The following PRDM13 variants were observed in gnomAD, a reference collection of about 807,000 sequenced individuals.
PRDM13 encodes the protein PR domain zinc finger protein 13.
PRDM13 carries 15 observed loss-of-function variants against 36.4 expected under a neutral mutation model. The ratio of observed to expected loss-of-function variants is 0.41; its 90% CI spans 0.28 to 0.64. The LOEUF (loss-of-function observed/expected upper bound fraction) is 0.64. Among genes scored for constraint, PRDM13 ranks in the 30% least tolerant of loss-of-function variants. The pLI, the probability that PRDM13 is intolerant of heterozygous loss-of-function variation, is 0.29. For missense variants in PRDM13, 1,044 were observed against 1,013.5 expected (o/e 1.03, Z -0.41); for synonymous variants, 531 against 467.7 (o/e 1.14, Z -1.75).
At position 99,613,979 on chromosome 6, in the gene PRDM13, G is replaced by T; in HGVS notation, c.1344G>T (p.Pro448=). The T allele has an allele frequency of 6.2e-7, 1 of 1,605,190 alleles. No homozygotes were observed. The highest frequency in any genetic ancestry group is 1.1e-5 in the South Asian group (1 of 90,310). ...PLDPGGLKAY[P]GGECSHLPAV... ...ACCCGGGCGGTCTCAAAGCCTATCCGGGTGGTGAGTGCAGCCACCTGCCCG... is the reference window on the plus strand; with the variant it reads ...ACCCGGGCGGTCTCAAAGCCTATCCTGGTGGTGAGTGCAGCCACCTGCCCG... Residue 448 remains proline, a synonymous_variant, in exon 4 of 4, where the codon CCG becomes CCT. Transcript: ENST00000369215. This position sits in a 1 kb window ranked among gnomAD's most constrained non-coding sequence, Gnocchi z 6.1.
Position 99,614,281 on chromosome 6 carries a change from C to T in PRDM13, c.1646C>T (p.Ala549Val), listed in dbSNP as rs770652408. The part of the protein sequence containing the change: ...GRLDSGTLPP[A>V]VAAAGGTGGG... ...CTGGACTCGGGGACGTTGCCACCGGCCGTCGCGGCGGCGGGAGGCACCGGG... is the reference window on the plus strand; with the variant it reads ...CTGGACTCGGGGACGTTGCCACCGGTCGTCGCGGCGGCGGGAGGCACCGGG... The change falls in exon 4 of 4, where the codon GCC (alanine) becomes GTC (valine). Residue 549 changes from alanine (A) to valine (V), a missense_variant. Physicochemically the swap from Ala to Val is moderately conservative, Grantham distance 64. Around this residue, in one of 3 missense-constraint regions of PRDM13, gnomAD observed 921 missense variants for 865.2 expected, o/e 1.06. Transcript: ENST00000369215. The T allele has an allele frequency of 5.6e-6, 9 of 1,606,076 alleles. No homozygotes were observed. In the African/African-American group the frequency reaches 1.1e-4, roughly 19 times the overall value.
intron 3 of PRDM13, 43 bp downstream of exon 3, chr6:99,609,350 C>G (rs777932155): frequency 1.2e-6 from 2 of 1,601,462 alleles, no homozygotes; most frequent in Non-Finnish European, 1.7e-6. Flanking sequence ...TCCAGCCCTC[C>G]TCCTCCTGTC....
intron 1 of PRDM13, among the ~76,000 whole-genome samples, chr6:99,607,652 C>A (rs1163563953): frequency 6.6e-6 from 1 of 152,070 alleles, no homozygotes; most frequent in Non-Finnish European, 1.5e-5. Context: ...AAAAAAAAAT[C>A]TTTGGGAGGC....
rs186596959 is a variant in PRDM13, at chr6:99,607,168, C to T, written c.134C>T (p.Pro45Leu). ...CTGTCAGACCGCAGGGAGCCCGGGC[C>T]TAAGAAAAAGGTATTGACCATTCAG... The part of the protein sequence containing the change: ...KYLSDRREPG[P>L]KKKVRMVRGE... Residue 45 changes from proline (P) to leucine (L), a missense_variant, in exon 1 of 4, where the codon CCT becomes CTT. Pro to Leu is a moderately conservative substitution (Grantham distance 98). Around this residue, in one of 3 missense-constraint regions of PRDM13, gnomAD observed 921 missense variants for 865.2 expected, o/e 1.06. Transcript: ENST00000369215. 796 of 1,613,724 alleles carry T rather than the reference C, an allele frequency of 4.9e-4. 3 individuals are homozygous for T. The African/African-American group carries it at 9.4e-3, about 19-fold the overall frequency.
chr6:99,613,934 C>T lies in PRDM13; in HGVS notation c.1299C>T (p.Arg433=), dbSNP rs376804889. ...CTGCGCCGGGGTTGCCCCTCGAGCG[C>T]TGCGCGCTGCCGCCCCTCGACCCGG... ...LPPAPGLPLE[R]CALPPLDPGG... The change falls in exon 4 of 4, where the codon CGC becomes CGT. Residue 433 remains arginine, a synonymous_variant. Transcript: ENST00000369215. This position sits in a 1 kb window ranked among gnomAD's most constrained non-coding sequence, Gnocchi z 6.1. 6.9e-6 allele frequency: 11 copies of T among 1,588,478 alleles called. No homozygotes were observed. The African/African-American group carries it at 1.5e-4, about 22-fold the overall frequency.
In PRDM13 at chr6:99,614,270, G is replaced by T. The variant is rs1353735549; in HGVS notation, c.1635G>T (p.Thr545=). ...GTCGCGGACGCCTGGACTCGGGGACGTTGCCACCGGCCGTCGCGGCGGCGG... is the reference window on the plus strand; with the variant it reads ...GTCGCGGACGCCTGGACTCGGGGACTTTGCCACCGGCCGTCGCGGCGGCGG... ...GKGRGRLDSG[T]LPPAVAAAGG... is the part of the protein sequence containing the mutation. Residue 545 remains threonine (T), a synonymous_variant, in exon 4 of 4, where the codon ACG becomes ACT. Coordinates refer to ENST00000369215, the MANE Select transcript of PRDM13 (RefSeq NM_021620.4). 7.5e-6 allele frequency: 12 copies of T among 1,607,522 alleles called. No individual in the cohort carries two copies. In the East Asian group the frequency reaches 8.9e-5, roughly 12 times the overall value.
At position 99,615,075 on chromosome 6, in the gene PRDM13, A is replaced by T; in HGVS notation, c.*316A>T. On this transcript the variant is annotated 3_prime_UTR_variant, in exon 4 of 4. Transcript: ENST00000369215. ...CGGTCTGCTCTTGGTGTTCAGAATC[A>T]CATCAATGCGAACGTCACAGCGCCT... 1 of 392,082 alleles carries T rather than the reference A, an allele frequency of 2.6e-6. No homozygotes were observed. Among genetic ancestry groups the T allele is most frequent in the Non-Finnish European group, 4.6e-6 (1 of 219,710 alleles). The allele number at this position is 392,082 out of a possible 1,614,324, so 24.3% of individuals were successfully genotyped here. A position where few individuals can be genotyped will look rare whatever the true frequency, so the allele number is the denominator to read the frequency against.
At position 99,613,475 on chromosome 6, in the gene PRDM13, G is replaced by C. The variant is rs536101986; in HGVS notation, c.840G>C (p.Ala280=). The change falls in exon 4 of 4, where the codon GCG becomes GCC. Residue 280 remains alanine (A), a synonymous_variant. Coordinates refer to ENST00000369215, the MANE Select transcript of PRDM13 (RefSeq NM_021620.4). The surrounding 1 kb of genome is among the most constrained non-coding windows in gnomAD (Gnocchi z 6.1). ...HFLGIVGGSS[A]GVGSLAFYPG... ...TCGGCATCGTGGGCGGCTCCTCGGC[G>C]GGGGTCGGCAGCCTGGCTTTCTACC... 4 of 1,533,022 alleles carry C rather than the reference G, an allele frequency of 2.6e-6. No individual in the cohort carries two copies. In the African/African-American group the frequency reaches 5.6e-5, roughly 21 times the overall value. The allele number at this position is 1,533,022 out of a possible 1,614,324, so 95.0% of individuals were successfully genotyped here. A position where few individuals can be genotyped will look rare whatever the true frequency, so the allele number is the denominator to read the frequency against.
In PRDM13 at chr6:99,614,414, G is replaced by A; in HGVS notation, c.1779G>A (p.Arg593=). 3.1e-6 allele frequency: 5 copies of A among 1,613,488 alleles called. No individual in the cohort carries two copies. The highest frequency in any genetic ancestry group is 4.2e-6 in the Non-Finnish European group (5 of 1,179,998). Reference sequence around the variant, plus strand: ...AGTATGGGCTCAAGATCCACATGCGGACGCACACGGGCTACAAGCCACTCA... The same window carrying A: ...AGTATGGGCTCAAGATCCACATGCGAACGCACACGGGCTACAAGCCACTCA... The part of the protein sequence containing the change: ...SRKYGLKIHM[R]THTGYKPLKC... The change falls in exon 4 of 4, where the codon CGG becomes CGA. Residue 593 remains arginine (R), a synonymous_variant. Coordinates refer to ENST00000369215, the MANE Select transcript of PRDM13 (RefSeq NM_021620.4).
chr6:99,607,095 G>A lies in PRDM13; in HGVS notation c.61G>A (p.Gly21Ser). Residue 21 changes from glycine to serine, a missense_variant, in exon 1 of 4, where the codon GGC (glycine) becomes AGC (serine). Gly to Ser is a moderately conservative substitution (Grantham distance 56). Around this residue, in one of 3 missense-constraint regions of PRDM13, gnomAD observed 921 missense variants for 865.2 expected, o/e 1.06. Transcript: ENST00000369215. ...SVSADCCIPA[G>S]LRLGPVPGTF... ...GAGTGCCGACTGCTGCATCCCGGCC[G>A]GCTTGCGCCTCGGACCGGTGCCTGG... The A allele has an allele frequency of 6.2e-7, 1 of 1,613,656 alleles. No individual in the cohort carries two copies. The highest frequency in any genetic ancestry group is 8.5e-7 in the Non-Finnish European group (1 of 1,179,972).
Position 99,608,850 on chromosome 6 carries a change from T to C in PRDM13, c.254T>C (p.Ile85Thr), listed in dbSNP as rs762043421. 1.9e-6 allele frequency: 3 copies of C among 1,613,748 alleles called. No individual in the cohort carries two copies. Among genetic ancestry groups the C allele is most frequent in the South Asian group, 1.1e-5 (1 of 91,042 alleles). Reference protein sequence around the residue: ...RNSQEQTLEAIADLPGGQIFY... With the variant: ...RNSQEQTLEATADLPGGQIFY... Reference sequence around the variant, plus strand: ...TCCCAGGAACAGACTCTGGAAGCTATTGCAGACTTACCCGGAGGACAGGTA... The same window carrying C: ...TCCCAGGAACAGACTCTGGAAGCTACTGCAGACTTACCCGGAGGACAGGTA... Residue 85 changes from isoleucine (I) to threonine (T), a missense_variant, in exon 2 of 4, where the codon ATT (isoleucine) becomes ACT (threonine). This residue lies in a region of PRDM13 where 921 missense variants were observed against 865.2 expected (regional missense o/e 1.06). Transcript: ENST00000369215.
At chr6:99,607,528 T>A (rs1305510027) in intron 1 of PRDM13, among the ~76,000 whole-genome samples, 1 of 152,206 alleles carries the variant, frequency 6.6e-6, no homozygotes, top group Admixed American at 6.5e-5. Context: ...CAGCTCTCTC[T>A]GCAAAAGCAC....
At position 99,609,270 on chromosome 6, in the gene PRDM13, C is replaced by T. The variant is rs1484150266; in HGVS notation, c.360C>T (p.Asp120=). 3.1e-6 allele frequency: 5 copies of T among 1,613,908 alleles called. No individual in the cohort carries two copies. The highest frequency in any genetic ancestry group is 1.3e-5 in the African/African-American group (1 of 74,892). ...CTAACTCCTTGGCTCAGTGGTTCGA[C>T]ATCCCCACCACAGCGACTCCGACTC... ...WYSNSLAQWF[D]IPTTATPTHD... The change falls in exon 3 of 4, where the codon GAC becomes GAT. Residue 120 remains aspartate (D), a synonymous_variant. Coordinates refer to ENST00000369215, the MANE Select transcript of PRDM13 (RefSeq NM_021620.4).
At chr6:99,611,044 C>T (rs1224930280) in intron 3 of PRDM13, among the ~76,000 whole-genome samples, 1 of 152,024 alleles carries the variant, frequency 6.6e-6, no homozygotes, top group Non-Finnish European at 1.5e-5. Flanking sequence ...GAGGCAGTCA[C>T]TTGTTAAATG....
Position 99,613,407 on chromosome 6 carries a change from G to A in PRDM13, c.772G>A (p.Ala258Thr), listed in dbSNP as rs1402807853. The A allele has an allele frequency of 6.4e-7, 1 of 1,557,450 alleles. No individual in the cohort carries two copies. Among genetic ancestry groups the A allele is most frequent in the Admixed American group, 1.9e-5 (1 of 54,034 alleles). Residue 258 changes from alanine to threonine, a missense_variant, in exon 4 of 4, where the codon GCC becomes ACC. Physicochemically the swap from Ala to Thr is moderately conservative, Grantham distance 58. Transcript: ENST00000369215. This position sits in a 1 kb window ranked among gnomAD's most constrained non-coding sequence, Gnocchi z 6.1. ...GAAGGGCAAGGAGCAGCTGGACCGT[G>A]CCCTGGACATGAGCGGAGCCGCCCG... ...PKKGKEQLDRALDMSGAARGQ... is the reference protein window; with the variant it reads ...PKKGKEQLDRTLDMSGAARGQ...
chr6:99,608,797 G>C lies in PRDM13; in HGVS notation c.201G>C (p.Trp67Cys). Residue 67 changes from tryptophan (W) to cysteine (C), a missense_variant, in exon 2 of 4, where the codon TGG (tryptophan) becomes TGC (cysteine). By Grantham distance (215) the Trp-to-Cys change is radical. Transcript: ENST00000369215. Reference protein sequence around the residue: ...VDESGGSPLEWIGLIRAARNS... With the variant: ...VDESGGSPLECIGLIRAARNS... ...AGTCGGGGGGCTCCCCTCTGGAGTG[G>C]ATAGGGTTAATCCGGGCAGCCAGAA... The C allele has an allele frequency of 6.2e-7, 1 of 1,613,872 alleles. No homozygotes were observed. The highest frequency in any genetic ancestry group is 1.7e-4 in the Middle Eastern group (1 of 6,050).
intron 3 of PRDM13, among the ~76,000 whole-genome samples, chr6:99,610,261 C>T (rs964598686): frequency 6.6e-6 from 1 of 152,222 alleles, no homozygotes; most frequent in Non-Finnish European, 1.5e-5. Context: ...CATTTTTAAA[C>T]CTACCCTTGA....
At chr6:99,609,452 C>T (rs759422470) in intron 3 of PRDM13, 145 bp downstream of exon 3, 25 of 1,174,502 alleles carry the variant, frequency 2.1e-5, no homozygotes, top group Non-Finnish European at 2.8e-5. Flanking sequence ...GTCGCCACTA[C>T]CTCCTTAAAA....
chr6:99,607,862 C>T (rs1769971544), intron 1 of PRDM13, among the ~76,000 whole-genome samples: 5 of 152,214 alleles, frequency 3.3e-5, no homozygotes, highest in Admixed American at 2.0e-4. Context: ...AACCGGGAGG[C>T]GCCAGGGCCA....
Sources: gnomAD v4.1 joint callset for allele counts (sites outside exome capture counted in the v4.1 genomes callset) on GRCh38, gnomAD v4.1.1 for gene constraint, gnomAD v4.1.1 regional missense constraint, Gnocchi (gnomAD v3.1) non-coding constraint, MANE v1.5 for transcripts, NCBI Gene and HGNC (gene_info 2026-07-23, HGNC 2026-07-21) for gene names.